Variants in TRIM45 observed in about 807,000 individuals in gnomAD.
TRIM45 encodes the protein tripartite motif containing 45, also known as E3 ubiquitin-protein ligase TRIM45.
A neutral mutation model predicts 46.7 loss-of-function variants in TRIM45; 45 were observed. The observed-to-expected ratio is 0.96, with a 90% CI of 0.76 to 1.24. TRIM45 has a LOEUF of 1.24. Among genes scored for constraint, TRIM45 ranks in the 50% most tolerant of loss-of-function variants. The pLI, the probability that TRIM45 is intolerant of heterozygous loss-of-function variation, is 0.00. For synonymous variants in TRIM45, 259 were observed against 285.8 expected (o/e 0.91, Z 0.94); for missense variants, 680 against 728.4 (o/e 0.93, Z 0.77).
rs748870785 is a variant in TRIM45 at position 117,118,111 on chromosome 1, T to C, written c.1145A>G (p.Gln382Arg). The C allele has an allele frequency of 2.3e-5, 37 of 1,614,128 alleles. 1 individual carries two copies. Among genetic ancestry groups the C allele is most frequent in the South Asian group, 2.1e-4 (19 of 91,092 alleles). ...IRFCPQEKAG[Q>R]CRGYEIYGTI... ...ACCATAAATTTCATAGCCACGGCACTGGCCTGCTTTCTCCTGAGGACAGAA... is the reference window on the plus strand; with the variant it reads ...ACCATAAATTTCATAGCCACGGCACCGGCCTGCTTTCTCCTGAGGACAGAA... The change falls in exon 2 of 6, where the codon CAG becomes CGG. Residue 382 changes from glutamine to arginine, a missense_variant. Gln to Arg is a conservative substitution (Grantham distance 43). Around this residue, in one of 3 missense-constraint regions of TRIM45, gnomAD observed 322 missense variants for 359.3 expected, o/e 0.90. Coordinates refer to ENST00000256649, the MANE Select transcript of TRIM45 (RefSeq NM_025188.4). The surrounding 1 kb of genome is among the most constrained non-coding windows in gnomAD (Gnocchi z 5.7).
In TRIM45 at chr1:117,121,315, GGGGA is replaced by G; in HGVS notation, c.-118_-115del. The G allele has an allele frequency of 3.9e-6, 5 of 1,289,762 alleles. No homozygotes were observed. Among genetic ancestry groups the G allele is most frequent in the Non-Finnish European group, 5.3e-6 (5 of 948,654 alleles). The allele number at this position is 1,289,762 out of a possible 1,614,324, so 79.9% of individuals were successfully genotyped here. On this transcript the variant is annotated 5_prime_UTR_variant, in exon 1 of 6. Coordinates refer to ENST00000256649, the MANE Select transcript of TRIM45 (RefSeq NM_025188.4). This position sits in a 1 kb window ranked among gnomAD's most constrained non-coding sequence, Gnocchi z 4.2. Reference sequence around the variant, plus strand: ...TCTCCAGAACTTGAACAGAGACCATGGGGACTCCCTCGCTGACAAATAAAAGGGC... The same window carrying G: ...TCTCCAGAACTTGAACAGAGACCATGCTCCCTCGCTGACAAATAAAAGGGC...
rs1650581512 is a variant in TRIM45, at chr1:117,120,629, T to C, written c.488+85A>G. ...CCACGGTATTTGAGAAGGCTTTCCT[T>C]TTCATCTGCTCACCGAGGGATTTGT... On this transcript the variant is annotated intron_variant, in intron 1 of 5. Coordinates refer to ENST00000256649, the MANE Select transcript of TRIM45 (RefSeq NM_025188.4). 3.3e-6 allele frequency: 5 copies of C among 1,511,168 alleles called. No individual in the cohort carries two copies. The Admixed American group carries it at 1.1e-4, about 34-fold the overall frequency. The allele number at this position is 1,511,168 out of a possible 1,614,324, so 93.6% of individuals were successfully genotyped here. A position where few individuals can be genotyped will look rare whatever the true frequency, so the allele number is the denominator to read the frequency against.
chr1:117,112,362 G>A lies in TRIM45; in HGVS notation c.1686C>T (p.Cys562=). The change falls in exon 6 of 6, where the codon TGC becomes TGT. Residue 562 remains cysteine, a synonymous_variant. Coordinates refer to ENST00000256649, the MANE Select transcript of TRIM45 (RefSeq NM_025188.4). The part of the protein sequence containing the change: ...CCGKFNEKSE[C]TWTGGQSAPR... ...GTGCGCTCTGCCCACCTGTCCATGTGCATTCAGATTTCTCATTAAATTTTC... is the reference window on the plus strand; with the variant it reads ...GTGCGCTCTGCCCACCTGTCCATGTACATTCAGATTTCTCATTAAATTTTC... The A allele has an allele frequency of 1.2e-6, 2 of 1,614,134 alleles. No homozygotes were observed. Among genetic ancestry groups the A allele is most frequent in the Non-Finnish European group, 1.7e-6 (2 of 1,180,012 alleles).
Position 117,113,210 on chromosome 1 carries a change from T to C in TRIM45, c.1594+149A>G. 8.6e-7 allele frequency: 1 copy of C among 1,164,354 alleles called. No homozygotes were observed. The highest frequency in any genetic ancestry group is 1.5e-5 in the South Asian group (1 of 67,324). 72.1% of individuals were successfully genotyped at this position (1,164,354 alleles called of 1,614,324 possible). ...ACAAGGAAGCTTTAAGTGACACTTT[T>C]AGAACAGTGGTGTCTCTACAATCAC... On this transcript the variant is annotated intron_variant, in intron 5 of 5. Transcript: ENST00000256649. The surrounding 1 kb of genome is among the most constrained non-coding windows in gnomAD (Gnocchi z 4.0).
Position 117,116,835 on chromosome 1 carries a change from T to C in TRIM45, c.1223-90A>G, listed in dbSNP as rs914599166. The C allele has an allele frequency of 6.5e-7, 1 of 1,549,824 alleles. No homozygotes were observed. The highest frequency in any genetic ancestry group is 8.8e-7 in the Non-Finnish European group (1 of 1,137,896). On this transcript the variant is annotated intron_variant, in intron 2 of 5. Transcript: ENST00000256649. This position sits in a 1 kb window ranked among gnomAD's most constrained non-coding sequence, Gnocchi z 4.6. ...GCTTTTTCTCTTCAGAACAAAGGGT[T>C]GTACTTTACTGTAACCACCCTGGGT...
At position 117,113,231 on chromosome 1, in the gene TRIM45, A is replaced by G; in HGVS notation, c.1594+128T>C. On this transcript the variant is annotated intron_variant, in intron 5 of 5. Transcript: ENST00000256649. The surrounding 1 kb of genome is among the most constrained non-coding windows in gnomAD (Gnocchi z 4.0). ...CTTTTAGAACAGTGGTGTCTCTACA[A>G]TCACAGACTGTGCTTCCTAGAAACA... 1 of 1,349,252 alleles carries G rather than the reference A, an allele frequency of 7.4e-7. No homozygotes were observed. The allele number at this position is 1,349,252 out of a possible 1,614,324, so 83.6% of individuals were successfully genotyped here.
In TRIM45 at chr1:117,113,964, G is replaced by A. The variant is rs1179210382; in HGVS notation, c.1468-479C>T. 6.6e-6 allele frequency among the ~76,000 whole-genome samples: 1 copy of A among 152,164 alleles called. No homozygotes were observed. Among genetic ancestry groups the A allele is most frequent in the Non-Finnish European group, 1.5e-5 (1 of 68,030 alleles). ...AGTACCTAGATCATTCAATACATTA[G>A]TAATCTCAGACTGACTTTTCTCTGG... On this transcript the variant is annotated intron_variant, in intron 4 of 5. Transcript: ENST00000256649. The surrounding 1 kb of genome is among the most constrained non-coding windows in gnomAD (Gnocchi z 4.0).
At position 117,116,744 on chromosome 1, in the gene TRIM45, G is replaced by A. The variant is rs770584365; in HGVS notation, c.1224C>T (p.Asp408=). ...DPAKCVLQGE[D]LHRAREKQTA... is the part of the protein sequence containing the mutation. The stretch of plus-strand genomic sequence containing the variant: ...TCTGTTTCTCCCGGGCTCTGTGGAG[G>A]TCTGAAAAAGATAAACACTCGGTCC... The change falls in exon 3 of 6, where the codon GAC becomes GAT. Residue 408 remains aspartate (D), a splice_region_variant and synonymous_variant. Transcript: ENST00000256649. The surrounding 1 kb of genome is among the most constrained non-coding windows in gnomAD (Gnocchi z 4.6). 6.2e-7 allele frequency: 1 copy of A among 1,614,050 alleles called. No homozygotes were observed. The highest frequency in any genetic ancestry group is 2.2e-5 in the East Asian group (1 of 44,884).
chr1:117,121,036 G>A lies in TRIM45; in HGVS notation c.166C>T (p.Leu56=), dbSNP rs902658705. 2.5e-6 allele frequency: 4 copies of A among 1,614,172 alleles called. No individual in the cohort carries two copies. The highest frequency in any genetic ancestry group is 3.4e-6 in the Non-Finnish European group (4 of 1,180,036). ...HTVCTTCLEQ[L]EPFSVVDIRG... Reference sequence around the variant, plus strand: ...ATGTCCACTACTGAGAAGGGCTCCAGCTGCTCCAGACACGTGGTGCAAACT... The same window carrying A: ...ATGTCCACTACTGAGAAGGGCTCCAACTGCTCCAGACACGTGGTGCAAACT... Residue 56 remains leucine (L), a synonymous_variant, in exon 1 of 6, where the codon CTG becomes TTG. Coordinates refer to ENST00000256649, the MANE Select transcript of TRIM45 (RefSeq NM_025188.4). This position sits in a 1 kb window ranked among gnomAD's most constrained non-coding sequence, Gnocchi z 4.2.
chr1:117,121,691 G>A lies in TRIM45; in HGVS notation c.-490C>T. The A allele has an allele frequency of 5.4e-6, 3 of 551,650 alleles. No individual in the cohort carries two copies. The highest frequency in any genetic ancestry group is 9.7e-6 in the Non-Finnish European group (3 of 310,434). 34.2% of individuals were successfully genotyped at this position (551,650 alleles called of 1,614,324 possible). A position where few individuals can be genotyped will look rare whatever the true frequency, so the allele number is the denominator to read the frequency against. On this transcript the variant is annotated 5_prime_UTR_variant, in exon 1 of 6. Transcript: ENST00000256649. The surrounding 1 kb of genome is among the most constrained non-coding windows in gnomAD (Gnocchi z 4.2). ...TGAGGGAATTGCAAGCCGCCGGCGG[G>A]CTTCTCGGTGTCCACCGCCTCTCCC...
Position 117,118,585 on chromosome 1 carries a change from CAG to C in TRIM45, c.669_670del (p.Cys224Ter). ...GTGGATGACATTGCTGGTGAAGTCA[CAG>C]GGGTGTTCCCGATGCTCCCCCACCA... On this transcript the variant is annotated frameshift_variant, in exon 2 of 6. Transcript: ENST00000256649. LOFTEE classifies it high-confidence loss of function. The surrounding 1 kb of genome is among the most constrained non-coding windows in gnomAD (Gnocchi z 5.7). 1.2e-6 allele frequency: 2 copies of C among 1,614,142 alleles called. No individual in the cohort carries two copies. The highest frequency in any genetic ancestry group is 8.5e-7 in the Non-Finnish European group (1 of 1,180,052).
intron 5 of TRIM45, among the ~76,000 whole-genome samples, chr1:117,112,973 A>G (rs755767042): frequency 2.0e-5 from 3 of 152,086 alleles, no homozygotes; most frequent in East Asian, 1.9e-4. Context: ...ACCTTGTTCA[A>G]TTGGTTTAAT....
chr1:117,118,494 T>C lies in TRIM45; in HGVS notation c.762A>G (p.Glu254=). 1 of 1,614,174 alleles carries C rather than the reference T, an allele frequency of 6.2e-7. No homozygotes were observed. Among genetic ancestry groups the C allele is most frequent in the Non-Finnish European group, 8.5e-7 (1 of 1,180,028 alleles). ...GTQPHVEALE[E]ALAQIHIINS... ...TTATTATGTGGATCTGAGCCAGGGC[T>C]TCCTCCAGGGCCTCCACGTGGGGCT... The change falls in exon 2 of 6, where the codon GAA becomes GAG. Residue 254 remains glutamate (E), a synonymous_variant. Coordinates refer to ENST00000256649, the MANE Select transcript of TRIM45 (RefSeq NM_025188.4). The surrounding 1 kb of genome is among the most constrained non-coding windows in gnomAD (Gnocchi z 5.7).
chr1:117,117,970 C>T lies in TRIM45; in HGVS notation c.1222+64G>A, dbSNP rs1007398874. 1.9e-5 allele frequency: 29 copies of T among 1,558,874 alleles called. No individual in the cohort carries two copies. In the Middle Eastern group the frequency reaches 6.7e-4, roughly 36 times the overall value. On this transcript the variant is annotated intron_variant, in intron 2 of 5. Transcript: ENST00000256649. The surrounding 1 kb of genome is among the most constrained non-coding windows in gnomAD (Gnocchi z 4.9). ...CATGCTTCCTAGCAGAACAAGCCAC[C>T]AATCTTCACACACCACCTCCCTGTC...
In TRIM45 at chr1:117,117,913, T is replaced by C; in HGVS notation, c.1222+121A>G. 7.6e-7 allele frequency: 1 copy of C among 1,316,552 alleles called. No individual in the cohort carries two copies. The highest frequency in any genetic ancestry group is 1.0e-6 in the Non-Finnish European group (1 of 954,232). 81.6% of individuals were successfully genotyped at this position (1,316,552 alleles called of 1,614,324 possible). On this transcript the variant is annotated intron_variant, in intron 2 of 5. Transcript: ENST00000256649. This position sits in a 1 kb window ranked among gnomAD's most constrained non-coding sequence, Gnocchi z 4.9. ...GGTCACTGTCTTTCAGATCAGTTTA[T>C]CTCCCCACCTTTGGTAACCTGGTCA... is the stretch of plus-strand genomic sequence containing the variant.
chr1:117,117,889 G>T lies in TRIM45; in HGVS notation c.1222+145C>A. ...CAAACCAGAAAGGGCAAAGGTGGGG[G>T]TCACTGTCTTTCAGATCAGTTTATC... On this transcript the variant is annotated intron_variant, in intron 2 of 5. Transcript: ENST00000256649. This position sits in a 1 kb window ranked among gnomAD's most constrained non-coding sequence, Gnocchi z 4.9. 1 of 1,060,590 alleles carries T rather than the reference G, an allele frequency of 9.4e-7. No individual in the cohort carries two copies. The highest frequency in any genetic ancestry group is 1.4e-6 in the Non-Finnish European group (1 of 733,026). 65.7% of individuals were successfully genotyped at this position (1,060,590 alleles called of 1,614,324 possible). A position where few individuals can be genotyped will look rare whatever the true frequency, so the allele number is the denominator to read the frequency against.
At chr1:117,114,778 A>G (rs1347766508) in intron 4 of TRIM45, among the ~76,000 whole-genome samples, 1 of 152,222 alleles carries the variant, frequency 6.6e-6, no homozygotes, top group Non-Finnish European at 1.5e-5. Context: ...TTCCTGACAT[A>G]CCATAATTAG....
rs1557845089 is a variant in TRIM45 at position 117,113,223 on chromosome 1, T to A, written c.1594+136A>T. ...AAGTGACACTTTTAGAACAGTGGTG[T>A]CTCTACAATCACAGACTGTGCTTCC... On this transcript the variant is annotated intron_variant, in intron 5 of 5. Coordinates refer to ENST00000256649, the MANE Select transcript of TRIM45 (RefSeq NM_025188.4). This position sits in a 1 kb window ranked among gnomAD's most constrained non-coding sequence, Gnocchi z 4.0. 3.2e-6 allele frequency: 4 copies of A among 1,239,822 alleles called. No homozygotes were observed. In the East Asian group the frequency reaches 9.4e-5, roughly 29 times the overall value. The allele number at this position is 1,239,822 out of a possible 1,614,324, so 76.8% of individuals were successfully genotyped here.
Position 117,113,566 on chromosome 1 carries a change from A to T in TRIM45, c.1468-81T>A. 1 of 1,525,696 alleles carries T rather than the reference A, an allele frequency of 6.6e-7. No individual in the cohort carries two copies. The highest frequency in any genetic ancestry group is 8.8e-7 in the Non-Finnish European group (1 of 1,130,266). The allele number at this position is 1,525,696 out of a possible 1,614,324, so 94.5% of individuals were successfully genotyped here. On this transcript the variant is annotated intron_variant, in intron 4 of 5. Transcript: ENST00000256649. The surrounding 1 kb of genome is among the most constrained non-coding windows in gnomAD (Gnocchi z 4.0). ...CTGCGCATCACTATGTGCTAAACAG[A>T]GTCTGAGGCACAGGGCCTGTCCTTG...
Sources: allele counts gnomAD v4.1 joint callset (sites outside exome capture counted in the v4.1 genomes callset), GRCh38; gene constraint gnomAD v4.1.1; regional missense constraint gnomAD v4.1.1; non-coding constraint Gnocchi (gnomAD v3.1); transcripts MANE v1.5; gene names NCBI Gene and HGNC (gene_info 2026-07-23, HGNC 2026-07-21).